Variants in AAMDC observed in about 807,000 individuals in gnomAD.
AAMDC encodes the protein adipogenesis associated Mth938 domain containing.
In AAMDC, 16 loss-of-function variants were observed where a neutral mutation model predicts 15.5. That is an observed-to-expected ratio of 1.03 (90% CI 0.70 to 1.57). AAMDC has a LOEUF of 1.57. Ranked by LOEUF, AAMDC falls within the 40% of genes most tolerant of loss-of-function variation. The pLI is 0.00. For missense variants in AAMDC, 141 were observed against 144.9 expected (o/e 0.97, Z 0.14); for synonymous variants, 51 against 51.6 (o/e 0.99, Z 0.05).
At chr11:77,892,580 T>G (rs1358733340) in intron 5 of AAMDC, among the ~76,000 whole-genome samples, 1 of 151,780 alleles carries the variant, frequency 6.6e-6, no homozygotes, top group African/African-American at 2.4e-5. Context: ...AAAACTAGAA[T>G]TTTTTTTTAA....
Position 77,891,659 on chromosome 11 carries a change from C to G in AAMDC, c.329-8912C>G, listed in dbSNP as rs373416187. On this transcript the variant is annotated intron_variant, in intron 5 of 5. Coordinates refer to the AAMDC transcript ENST00000304716. ...TGACCGTCTGGACAGATTTGGCCTA[C>G]AGGGGCCAAATAGACCCTGACCTGC... 36 of 1,611,204 alleles carry G rather than the reference C, an allele frequency of 2.2e-5. 2 individuals are homozygous for G. The highest frequency in any genetic ancestry group is 6.7e-5 in the East Asian group (3 of 44,878).
At chr11:77,895,513 C>A in intron 5 of AAMDC, among the ~76,000 whole-genome samples, 1 of 98,970 alleles carries the variant, frequency 1.0e-5, no homozygotes, top group African/African-American at 4.0e-5. Flanking sequence ...AACATTCATT[C>A]TAATTCTTTT....
At chr11:77,879,945 C>T (rs1223951090) in intron 5 of AAMDC, among the ~76,000 whole-genome samples, 5 of 152,092 alleles carry the variant, frequency 3.3e-5, no homozygotes, top group Non-Finnish European at 5.9e-5. Flanking sequence ...GCAAAAATCC[C>T]AAGAATCAGA....
At chr11:77,840,819 G>A (rs551702232) in intron 1 of AAMDC, among the ~76,000 whole-genome samples, 1 of 152,234 alleles carries the variant, frequency 6.6e-6, no homozygotes, top group East Asian at 1.9e-4. Flanking sequence ...GTAGGACAGT[G>A]TGGATGGCAT....
intron 5 of AAMDC, chr11:77,894,406 C>A (rs1367692218): frequency 2.2e-6 from 2 of 896,394 alleles, no homozygotes; most frequent in Non-Finnish European, 1.8e-6. Flanking sequence ...TGAGGAGGAC[C>A]AAAAGTCCCA....
downstream of AAMDC, chr11:77,903,699 T>C (rs1390048243): frequency 8.8e-7 from 1 of 1,138,406 alleles, no homozygotes; most frequent in Non-Finnish European, 1.3e-6. Flanking sequence ...CATTTTTGTT[T>C]TCCTTTGAAA....
At chr11:77,862,990 C>T (rs1041916581) in intron 2 of AAMDC, among the ~76,000 whole-genome samples, 2 of 151,974 alleles carry the variant, frequency 1.3e-5, no homozygotes, top group African/African-American at 4.8e-5. Context: ...CAAATGTTAC[C>T]GGGGGGTCCT....
At chr11:77,894,596 C>T (rs1405247368) in intron 5 of AAMDC, among the ~76,000 whole-genome samples, 2 of 152,188 alleles carry the variant, frequency 1.3e-5, no homozygotes, top group African/African-American at 4.8e-5. Context: ...GTATCACAGG[C>T]TACACTTGGC....
intron 5 of AAMDC, among the ~76,000 whole-genome samples, chr11:77,882,444 T>C (rs1002654060): frequency 7.2e-5 from 11 of 152,172 alleles, no homozygotes; most frequent in African/African-American, 2.7e-4. Flanking sequence ...TACAGCATAC[T>C]GTAATTTGCT....
intron 2 of AAMDC, 85 bp from the exon 3 acceptor site, chr11:77,869,637 C>A: frequency 7.5e-7 from 1 of 1,324,986 alleles, no homozygotes; most frequent in Non-Finnish European, 1.1e-6. Flanking sequence ...GTAGACATTT[C>A]TTGAATGAAT....
intron 1 of AAMDC, among the ~76,000 whole-genome samples, chr11:77,837,136 T>C (rs1050331069): frequency 1.3e-5 from 2 of 152,212 alleles, no homozygotes; most frequent in Non-Finnish European, 2.9e-5. Context: ...TGTTTGTTTG[T>C]TTGCTTGCTT....
chr11:77,838,079 A>G (rs1949766069), intron 1 of AAMDC, among the ~76,000 whole-genome samples: 1 of 152,172 alleles, frequency 6.6e-6, no homozygotes, highest in Non-Finnish European at 1.5e-5. Flanking sequence ...TCTCTTTGAT[A>G]TTAATAATAA....
At position 77,888,314 on chromosome 11, in the gene AAMDC, G is replaced by A. The variant is rs553730035; in HGVS notation, c.328+11265G>A. ...TCTTTGACAAACCTGACAAAAACAA[G>A]CAATGGGGAAAGGATTCCCTATTTA... On this transcript the variant is annotated intron_variant, in intron 5 of 5. Transcript: ENST00000304716. 1.6e-3 allele frequency among the ~76,000 whole-genome samples: 249 copies of A among 152,268 alleles called. 1 individual carries two copies. Among genetic ancestry groups the A allele is most frequent in the African/African-American group, 5.8e-3 (239 of 41,540 alleles).
At chr11:77,897,542 C>T (rs187265832) in intron 5 of AAMDC, among the ~76,000 whole-genome samples, 1 of 151,194 alleles carries the variant, frequency 6.6e-6, no homozygotes, top group African/African-American at 2.4e-5. Flanking sequence ...ACTCTGTCAC[C>T]CAGGCTGGAG....
downstream of AAMDC, among the ~76,000 whole-genome samples, chr11:77,873,256 T>G (rs61900172): frequency 0.024 from 3,672 of 152,314 alleles, 80 homozygotes; most frequent in South Asian, 0.039. Context: ...AGGATAACAT[T>G]AGCAGTACCT....
intron 2 of AAMDC, among the ~76,000 whole-genome samples, chr11:77,848,381 C>T (rs1365720545): frequency 1.3e-5 from 2 of 151,338 alleles, no homozygotes; most frequent in Non-Finnish European, 2.9e-5. Flanking sequence ...TTTTTTGAGA[C>T]GGAGTCTTGC....
chr11:77,851,693 C>T (rs1029170629), intron 2 of AAMDC, among the ~76,000 whole-genome samples: 2 of 152,038 alleles, frequency 1.3e-5, no homozygotes, highest in African/African-American at 4.8e-5. Flanking sequence ...CAACCTTGCT[C>T]CTGCTTTCAT....
rs757466320 is a variant in AAMDC at position 77,878,963 on chromosome 11, G to T, written c.328+1914G>T. On this transcript the variant is annotated intron_variant, in intron 5 of 5. Coordinates refer to the AAMDC transcript ENST00000304716. The stretch of plus-strand genomic sequence containing the variant: ...CTGTTTTTGCCTTAGCGCCGTGCAG[G>T]TTTGGGCATTATATAAACTTTTACA... The T allele has an allele frequency of 6.8e-6, 11 of 1,613,840 alleles. No homozygotes were observed. In the East Asian group the frequency reaches 2.5e-4, roughly 36 times the overall value.
At chr11:77,894,939 G>A (rs1364019174) in intron 5 of AAMDC, among the ~76,000 whole-genome samples, 2 of 152,026 alleles carry the variant, frequency 1.3e-5, no homozygotes, top group Non-Finnish European at 2.9e-5. Flanking sequence ...TTTCCATAGC[G>A]GTATAGCCTA....
Sources: gnomAD v4.1 joint callset for allele counts (sites outside exome capture counted in the v4.1 genomes callset) on GRCh38, gnomAD v4.1.1 for gene constraint, MANE v1.5 for transcripts, NCBI Gene and HGNC (gene_info 2026-07-23, HGNC 2026-07-21) for gene names.